Variants in SAFB observed in about 807,000 individuals in gnomAD.
SAFB encodes the protein scaffold attachment factor B1.
SAFB carries 15 observed loss-of-function variants against 101.6 expected under a neutral mutation model. That is an observed-to-expected ratio of 0.15 (90% CI 0.10 to 0.23). SAFB has a LOEUF of 0.23. Ranked by LOEUF, SAFB falls within the 10% of genes least tolerant of loss-of-function variation. The probability of loss-of-function intolerance (pLI) is 1.00; values close to 1 mark genes in which losing one functional copy is unlikely to be tolerated. For missense variants in SAFB, 930 were observed against 1,104.1 expected (o/e 0.84, Z 2.23); for synonymous variants, 449 against 407.5 (o/e 1.10, Z -1.23).
chr19:5,629,128 CAGA>C (rs1257717749), intron 2 of SAFB, among the ~76,000 whole-genome samples: 1 of 152,266 alleles, frequency 6.6e-6, no homozygotes, highest in South Asian at 2.1e-4. Context: ...GAGTAAAAAG[CAGA>C]AGTTGTTCAC....
At chr19:5,624,455 A>G (rs2053298769) in intron 1 of SAFB, among the ~76,000 whole-genome samples, 1 of 152,122 alleles carries the variant, frequency 6.6e-6, no homozygotes, top group South Asian at 2.1e-4. Flanking sequence ...TAGGAAAAGC[A>G]GAGAGGCAAG....
At chr19:5,634,203 A>G (rs1241354361) in intron 2 of SAFB, among the ~76,000 whole-genome samples, 3 of 152,054 alleles carry the variant, frequency 2.0e-5, no homozygotes, top group Admixed American at 1.3e-4. Flanking sequence ...AGCAGAGAAA[A>G]TTTTCCTAGA....
intron 13 of SAFB, among the ~76,000 whole-genome samples, chr19:5,656,980 C>T (rs538769119): frequency 1.3e-5 from 2 of 152,018 alleles, no homozygotes; most frequent in Non-Finnish European, 2.9e-5. Context: ...ACCGTGTTAG[C>T]CAAGATGGTC....
chr19:5,662,692 G>C (rs1291519590), intron 15 of SAFB, among the ~76,000 whole-genome samples: 3 of 149,864 alleles, frequency 2.0e-5, no homozygotes, highest in Non-Finnish European at 3.0e-5. Flanking sequence ...CCAGGCTGGA[G>C]TGCAATGGCG....
At chr19:5,663,947 G>A (rs1306986006) in intron 15 of SAFB, 75 bp from the exon 16 acceptor site, 7 of 1,508,242 alleles carry the variant, frequency 4.6e-6, no homozygotes, top group East Asian at 2.3e-5. Context: ...AAGTGCTAGG[G>A]GCCAGCTCCC....
In SAFB at chr19:5,639,147, C is replaced by T. The variant is rs1045894723; in HGVS notation, c.275-2447C>T. Among the ~76,000 whole-genome samples the T allele has an allele frequency of 4.6e-5, 7 of 152,140 alleles. No homozygotes were observed. In the South Asian group the frequency reaches 8.3e-4, roughly 18 times the overall value. On this transcript the variant is annotated intron_variant, in intron 2 of 20. Coordinates refer to ENST00000588852, the MANE Select transcript of SAFB (RefSeq NM_001201338.2). ...AGACATAAATACAAATATAATATTG[C>T]GGAAGCCAACATTTCAAATTGGTCG...
Position 5,623,335 on chromosome 19 carries a change from A to C in SAFB, c.130A>C (p.Arg44=), listed in dbSNP as rs759916331. The C allele has an allele frequency of 1.9e-6, 3 of 1,613,860 alleles. No homozygotes were observed. The highest frequency in any genetic ancestry group is 2.7e-5 in the African/African-American group (2 of 74,906). The change falls in exon 1 of 21, where the codon AGG becomes CGG. Residue 44 remains arginine (R), a synonymous_variant. Coordinates refer to ENST00000588852, the MANE Select transcript of SAFB (RefSeq NM_001201338.2). ...LRVIDLRAEL[R]KRNVDSSGNK... The stretch of plus-strand genomic sequence containing the variant: ...AGTGATCGATCTGCGGGCGGAGCTG[A>C]GGAAACGGAATGTGGACTCGAGCGG...
chr19:5,632,049 G>GA (rs2053501827), intron 2 of SAFB, among the ~76,000 whole-genome samples: 1 of 151,958 alleles, frequency 6.6e-6, no homozygotes, highest in Non-Finnish European at 1.5e-5. Context: ...ACTCTGTCTC[G>GA]AAAAAATAAA....
intron 2 of SAFB, among the ~76,000 whole-genome samples, chr19:5,640,551 GTA>G (rs2053686037): frequency 6.6e-6 from 1 of 151,468 alleles, no homozygotes; most frequent in African/African-American, 2.4e-5. Flanking sequence ...TGATGGAAAT[GTA>G]TAAGTTAAAA....
intron 8 of SAFB, 26 bp downstream of exon 8, chr19:5,650,001 C>G: frequency 6.3e-7 from 1 of 1,595,230 alleles, no homozygotes; most frequent in Non-Finnish European, 8.6e-7. Context: ...GACACCAGTC[C>G]CTTGGAGCAT....
Position 5,661,804 on chromosome 19 carries a change from G to A in SAFB, c.2149G>A (p.Asp717Asn). 3.9e-6 allele frequency: 6 copies of A among 1,543,842 alleles called. No homozygotes were observed. The highest frequency in any genetic ancestry group is 4.4e-6 in the Non-Finnish European group (5 of 1,145,582). The change falls in exon 15 of 21, where the codon GAC becomes AAC. Residue 717 changes from aspartate (D) to asparagine (N), a missense_variant. Physicochemically the swap from Asp to Asn is conservative, Grantham distance 23 (BLOSUM62 1). This residue lies in a region of SAFB where 318 missense variants were observed against 342.6 expected (regional missense o/e 0.93). Transcript: ENST00000588852. The stretch of plus-strand genomic sequence containing the variant: ...CGCGGTGCGGCGGCCCTACGACCTG[G>A]ACCGGTAAGCAGATCCATGCTGCCC... ...RPAVRRPYDL[D>N]RRDDAYWPEA...
Position 5,641,628 on chromosome 19 carries a change from C to T in SAFB, c.309C>T (p.Asn103=), listed in dbSNP as rs145844588. 1.2e-5 allele frequency: 20 copies of T among 1,613,912 alleles called. No individual in the cohort carries two copies. The highest frequency in any genetic ancestry group is 2.2e-5 in the East Asian group (1 of 44,876). Reference sequence around the variant, plus strand: ...CAGAAGAAGAGGGTGTGGAAGATAACGGGCTGGAGGAAAACTCTGGGGATG... The same window carrying T: ...CAGAAGAAGAGGGTGTGGAAGATAATGGGCTGGAGGAAAACTCTGGGGATG... ...RKPEEEGVED[N]GLEENSGDGQ... is the part of the protein sequence containing the mutation. Residue 103 remains asparagine (N), a synonymous_variant, in exon 3 of 21, where the codon AAC becomes AAT. Transcript: ENST00000588852.
chr19:5,663,793 C>G (rs2054268527), intron 15 of SAFB, among the ~76,000 whole-genome samples: 1 of 152,178 alleles, frequency 6.6e-6, no homozygotes, highest in African/African-American at 2.4e-5. Flanking sequence ...TAATGGCTCC[C>G]TCTTTGGAAA....
chr19:5,647,043 A>T lies in SAFB; in HGVS notation c.610-973A>T, dbSNP rs115571230. Among the ~76,000 whole-genome samples, 541 of 152,340 alleles carry T rather than the reference A, an allele frequency of 3.6e-3. 5 individuals are homozygous for T. The highest frequency in any genetic ancestry group is 0.013 in the African/African-American group (530 of 41,578). ...GAGTCTGTGTGTATGTAAGGTGCTT[A>T]CATTTGTGCCTGGAACCTAGTCAGT... On this transcript the variant is annotated intron_variant, in intron 5 of 20. Coordinates refer to ENST00000588852, the MANE Select transcript of SAFB (RefSeq NM_001201338.2).
At chr19:5,626,819 G>A (rs548742469) in intron 2 of SAFB, among the ~76,000 whole-genome samples, 11 of 152,310 alleles carry the variant, frequency 7.2e-5, no homozygotes, top group African/African-American at 2.6e-4. Flanking sequence ...GCTGTGGTAG[G>A]AGGATCACAT....
At chr19:5,646,515 G>A (rs2053831262) in intron 5 of SAFB, among the ~76,000 whole-genome samples, 1 of 152,182 alleles carries the variant, frequency 6.6e-6, no homozygotes, top group Admixed American at 6.5e-5. Flanking sequence ...AAACAAATAG[G>A]AATGTATTTG....
intron 2 of SAFB, among the ~76,000 whole-genome samples, chr19:5,638,254 G>A (rs1192329911): frequency 6.6e-6 from 1 of 152,166 alleles, no homozygotes; most frequent in African/African-American, 2.4e-5. Context: ...GACAGGAGAA[G>A]TATGAACCTA....
At chr19:5,632,348 TTGTA>T (rs1198188688) in intron 2 of SAFB, among the ~76,000 whole-genome samples, 2 of 152,236 alleles carry the variant, frequency 1.3e-5, no homozygotes, top group Non-Finnish European at 1.5e-5. Flanking sequence ...TTTTCTCTCC[TTGTA>T]TGTATGTTTT....
In SAFB at chr19:5,645,377, C is replaced by A; in HGVS notation, c.587C>A (p.Ser196Ter). Residue 196 changes from serine to a stop codon, truncating the protein, a stop_gained, in exon 5 of 21, where the codon TCA (serine) becomes TAA (stop). Transcript: ENST00000588852. LOFTEE classifies it high-confidence loss of function. ...ACTATAAACAATTTAGATACTTCATCATCTGACTTCACTATATTACAGGTA... is the reference window on the plus strand; with the variant it reads ...ACTATAAACAATTTAGATACTTCATAATCTGACTTCACTATATTACAGGTA... ...KETINNLDTS[S>*]SDFTILQEIE... The A allele has an allele frequency of 7.3e-7, 1 of 1,376,014 alleles. No individual in the cohort carries two copies. The highest frequency in any genetic ancestry group is 1.0e-6 in the Non-Finnish European group (1 of 964,204). The allele number at this position is 1,376,014 out of a possible 1,614,324, so 85.2% of individuals were successfully genotyped here.
Sources: allele counts gnomAD v4.1 joint callset (sites outside exome capture counted in the v4.1 genomes callset), GRCh38; gene constraint gnomAD v4.1.1; regional missense constraint gnomAD v4.1.1; transcripts MANE v1.5; gene names NCBI Gene and HGNC (gene_info 2026-07-23, HGNC 2026-07-21).